The following EYA1 variants were observed in gnomAD, a reference collection of about 807,000 sequenced individuals.
EYA1 encodes the protein protein phosphatase EYA1.
Under a neutral mutation model 82.0 loss-of-function variants are expected in EYA1, and 16 were observed. The ratio of observed to expected loss-of-function variants is 0.20; its 90% CI spans 0.13 to 0.30. EYA1 has a LOEUF of 0.30. EYA1 is among the 10% of genes least tolerant of loss of function. EYA1 has a pLI of 1.00. For missense variants in EYA1, 633 were observed against 730.7 expected (o/e 0.87, Z 1.54); for synonymous variants, 261 against 264.4 (o/e 0.99, Z 0.12).
chr8:71,454,243 C>G (rs1807676532), intron 2 of EYA1, among the ~76,000 whole-genome samples: 1 of 152,142 alleles, frequency 6.6e-6, no homozygotes, highest in South Asian at 2.1e-4. Context: ...TATATGCACT[C>G]AATACAGGAG....
chr8:71,353,760 T>C (rs1226779592), intron 3 of EYA1, among the ~76,000 whole-genome samples: 1 of 152,194 alleles, frequency 6.6e-6, no homozygotes, highest in African/African-American at 2.4e-5. Context: ...TTTATTTTTT[T>C]AAAAAATTGT....
At chr8:71,249,542 T>C (rs1440609431) in intron 11 of EYA1, among the ~76,000 whole-genome samples, 1 of 152,032 alleles carries the variant, frequency 6.6e-6, no homozygotes, top group Non-Finnish European at 1.5e-5. Context: ...GATTCAATTA[T>C]CTCCCACTGG....
At chr8:71,506,418 T>G (rs570331939) in intron 2 of EYA1, among the ~76,000 whole-genome samples, 5 of 152,356 alleles carry the variant, frequency 3.3e-5, no homozygotes, top group Middle Eastern at 3.4e-3. Flanking sequence ...CATCTCAGTG[T>G]GCAAAATATT....
chr8:71,535,854 A>G, intron 1 of EYA1: 1 of 855,822 alleles, frequency 1.2e-6, no homozygotes. Flanking sequence ...TGCACCTGTG[A>G]ACAACAGAGC....
intron 2 of EYA1, among the ~76,000 whole-genome samples, chr8:71,443,702 C>A (rs1222250863): frequency 6.6e-6 from 1 of 152,192 alleles, no homozygotes; most frequent in East Asian, 1.9e-4. Context: ...ATTACATTGG[C>A]CTTGCATATT....
At chr8:71,271,995 G>T in intron 9 of EYA1, 98 bp from the exon 10 acceptor site, 1 of 1,269,492 alleles carries the variant, frequency 7.9e-7, no homozygotes, top group Non-Finnish European at 1.2e-6. Flanking sequence ...CAATAGTAAA[G>T]CACATTTCAT....
chr8:71,296,570 A>G (rs866008896), intron 9 of EYA1, among the ~76,000 whole-genome samples: 1 of 151,966 alleles, frequency 6.6e-6, no homozygotes, highest in East Asian at 1.9e-4. Context: ...GAAAATGACT[A>G]GAGTCTAACT....
intron 3 of EYA1, among the ~76,000 whole-genome samples, chr8:71,340,106 T>A (rs1824953024): frequency 6.6e-6 from 1 of 152,178 alleles, no homozygotes; most frequent in Admixed American, 6.5e-5. Flanking sequence ...TGGAAACAAA[T>A]ATTTATATTT....
chr8:71,428,290 T>C (rs185816201), intron 2 of EYA1, among the ~76,000 whole-genome samples: 1 of 152,324 alleles, frequency 6.6e-6, no homozygotes, highest in Non-Finnish European at 1.5e-5. Flanking sequence ...CATCAGTTGA[T>C]GCTTTAAAAC....
At chr8:71,396,376 G>A (rs900558433) in intron 2 of EYA1, among the ~76,000 whole-genome samples, 9 of 152,034 alleles carry the variant, frequency 5.9e-5, no homozygotes, top group Non-Finnish European at 8.8e-5. Context: ...TCTTTTAATT[G>A]TGATTTTAGG....
intron 12 of EYA1, among the ~76,000 whole-genome samples, chr8:71,237,193 A>C (rs1438609568): frequency 2.0e-5 from 3 of 152,058 alleles, no homozygotes; most frequent in South Asian, 2.1e-4. Context: ...CTGGGATTAC[A>C]GGCTCACACT....
At chr8:71,541,913 G>A (rs992420066) in intron 1 of EYA1, among the ~76,000 whole-genome samples, 1 of 152,100 alleles carries the variant, frequency 6.6e-6, no homozygotes, top group African/African-American at 2.4e-5. Context: ...TAAGTCTACA[G>A]GATCAGTTTT....
chr8:71,333,111 A>G (rs1433151747), intron 4 of EYA1, among the ~76,000 whole-genome samples: 1 of 152,172 alleles, frequency 6.6e-6, no homozygotes. Context: ...GACCATTTTC[A>G]TACACCTATG....
At chr8:71,204,172 C>G (rs148927066) in intron 17 of EYA1, 1 of 152,246 alleles carries the variant, frequency 6.6e-6, no homozygotes, top group Admixed American at 6.5e-5. Context: ...TTTTGTGTCT[C>G]CAGAACCAAA....
In EYA1 at chr8:71,300,592, T is replaced by C. The variant is rs1038082536; in HGVS notation, c.557-872A>G. Among the ~76,000 whole-genome samples, 7 of 152,264 alleles carry C rather than the reference T, an allele frequency of 4.6e-5. No homozygotes were observed. In the East Asian group the frequency reaches 1.3e-3, roughly 29 times the overall value. ...TGGCTTATGATTGAGAAATTTCGTATGCCATTTAACCCAGCAATTTTATTT... is the reference window on the plus strand; with the variant it reads ...TGGCTTATGATTGAGAAATTTCGTACGCCATTTAACCCAGCAATTTTATTT... On this transcript the variant is annotated intron_variant, in intron 7 of 17. Coordinates refer to ENST00000340726, the MANE Select transcript of EYA1 (RefSeq NM_000503.6).
intron 2 of EYA1, among the ~76,000 whole-genome samples, chr8:71,394,719 G>A (rs539724197): frequency 6.6e-6 from 1 of 152,266 alleles, no homozygotes; most frequent in Non-Finnish European, 1.5e-5. Context: ...TTCAAGTCAG[G>A]TAGCTTGATG....
At position 71,354,681 on chromosome 8, in the gene EYA1, T is replaced by A. The variant is rs1180102808; in HGVS notation, c.124+101A>T. The A allele has an allele frequency of 6.8e-6, 8 of 1,184,352 alleles. No homozygotes were observed. In the East Asian group the frequency reaches 1.7e-4, roughly 26 times the overall value. The allele number at this position is 1,184,352 out of a possible 1,614,324, so 73.4% of individuals were successfully genotyped here. ...ACCTAAAGGGGAAATATAAGAGTAG[T>A]TTTATGATTTTGACAACTGAAATCA... On this transcript the variant is annotated intron_variant, in intron 3 of 17. Coordinates refer to ENST00000340726, the MANE Select transcript of EYA1 (RefSeq NM_000503.6).
intron 2 of EYA1, among the ~76,000 whole-genome samples, chr8:71,474,556 C>T (rs1280243280): frequency 2.0e-5 from 3 of 152,154 alleles, no homozygotes; most frequent in East Asian, 1.9e-4. Context: ...CTACAAATTG[C>T]TTTTAATTCT....
intron 11 of EYA1, among the ~76,000 whole-genome samples, chr8:71,246,303 G>A (rs1319247938): frequency 6.6e-6 from 1 of 152,194 alleles, no homozygotes; most frequent in Non-Finnish European, 1.5e-5. Flanking sequence ...TAACCAGGGG[G>A]ATTGTAAGCA....
Sources: gnomAD v4.1 joint callset for allele counts (sites outside exome capture counted in the v4.1 genomes callset) on GRCh38, gnomAD v4.1.1 for gene constraint, MANE v1.5 for transcripts, NCBI Gene and HGNC (gene_info 2026-07-23, HGNC 2026-07-21) for gene names.